Variants in INSL6 observed in about 807,000 individuals in gnomAD.
INSL6 encodes the protein insulin like 6.
A neutral mutation model predicts 9.4 loss-of-function variants in INSL6; 16 were observed. The observed-to-expected ratio is 1.70, with a 90% CI of 1.15 to 2.59. The LOEUF is 2.59. Among genes scored for constraint, INSL6 ranks in the 30% most tolerant of loss-of-function variants. INSL6 has a pLI of 0.00. For missense variants in INSL6, 391 were observed against 257.3 expected (o/e 1.52, Z -3.56); for synonymous variants, 154 against 96.9 (o/e 1.59, Z -3.46).
chr9:5,029,698 T>A, the INSL6 span: 4 of 1,264,648 alleles, frequency 3.2e-6, no homozygotes, highest in African/African-American at 6.1e-5. Context: ...GAGTTGTTAC[T>A]TTAGCTTCAT....
chr9:5,144,454 G>A (rs1236459185), intron 2 of INSL6, among the ~76,000 whole-genome samples: 1 of 152,180 alleles, frequency 6.6e-6, no homozygotes, highest in Non-Finnish European at 1.5e-5. Context: ...GCCAAGTGGT[G>A]ATGAGATGAA....
At chr9:5,172,897 T>C (rs879919835) in intron 1 of INSL6, among the ~76,000 whole-genome samples, 1 of 150,388 alleles carries the variant, frequency 6.6e-6, no homozygotes, top group African/African-American at 2.5e-5. Context: ...CATTGCACTC[T>C]AGCCTGGGTG....
At chr9:5,111,876 A>T in the INSL6 span, 6 of 372,958 alleles carry the variant, frequency 1.6e-5, no homozygotes, top group South Asian at 1.2e-4. Context: ...GAGGGACCAC[A>T]GCCAGCAGCT....
downstream of INSL6, among the ~76,000 whole-genome samples, chr9:5,119,429 TAA>T (rs539525091): frequency 6.9e-6 from 1 of 145,474 alleles, no homozygotes. Context: ...AATGAAAGCC[TAA>T]AAAAAAAAGG....
At chr9:5,045,039 A>G in the INSL6 span, among the ~76,000 whole-genome samples, 1 of 152,230 alleles carries the variant, frequency 6.6e-6, no homozygotes, top group African/African-American at 2.4e-5. Context: ...GTTCACTAAT[A>G]CAGTTATGTC....
intron 3 of INSL6, chr9:5,126,800 A>C (rs778979085): frequency 1.9e-6 from 3 of 1,558,102 alleles, no homozygotes; most frequent in Non-Finnish European, 8.8e-7. Flanking sequence ...GAAAGAAATG[A>C]CCTTCATTCT....
chr9:5,102,879 G>A, the INSL6 span, among the ~76,000 whole-genome samples: 1 of 152,078 alleles, frequency 6.6e-6, no homozygotes, highest in Non-Finnish European at 1.5e-5. Context: ...TGCCTTACAA[G>A]ATCTCCTGAA....
the INSL6 span, chr9:5,081,902 C>T: frequency 2.0e-6 from 3 of 1,520,774 alleles, no homozygotes; most frequent in Non-Finnish European, 2.7e-6. Flanking sequence ...ATAATCATTT[C>T]ATTTAGGAAA....
the INSL6 span, chr9:5,099,391 C>A: frequency 6.6e-6 from 1 of 152,180 alleles, no homozygotes; most frequent in African/African-American, 2.4e-5. Flanking sequence ...GAGTCTACAC[C>A]TCTCTGCAGT....
chr9:5,180,950 C>G (rs1045017381), intron 1 of INSL6, among the ~76,000 whole-genome samples: 2 of 152,130 alleles, frequency 1.3e-5, no homozygotes, highest in African/African-American at 4.8e-5. Flanking sequence ...AAACTCTTAA[C>G]AAAAAACTTG....
chr9:5,091,601 ATAGAT>A, the INSL6 span: 1 of 152,132 alleles, frequency 6.6e-6, no homozygotes, highest in South Asian at 2.1e-4. Flanking sequence ...ACTCAGGGTA[ATAGAT>A]TAGATAATTA....
intron 1 of INSL6, among the ~76,000 whole-genome samples, chr9:5,181,493 C>T (rs985560038): frequency 6.6e-6 from 1 of 151,588 alleles, no homozygotes; most frequent in South Asian, 2.1e-4. Flanking sequence ...ATATTCCTAC[C>T]GAGACCAGAA....
chr9:5,042,155 G>C, the INSL6 span, among the ~76,000 whole-genome samples: 4 of 141,880 alleles, frequency 2.8e-5, no homozygotes, highest in African/African-American at 1.1e-4. Context: ...TTTTGAGACG[G>C]AGTCTCGCTT....
At chr9:5,041,226 C>T in the INSL6 span, 156 of 1,468,582 alleles carry the variant, frequency 1.1e-4, no homozygotes, top group Admixed American at 7.0e-4. Context: ...GTGGGGCGCC[C>T]GGGGACCAAG....
At chr9:5,104,103 C>CA in the INSL6 span, among the ~76,000 whole-genome samples, 2 of 151,892 alleles carry the variant, frequency 1.3e-5, no homozygotes, top group African/African-American at 2.4e-5. Context: ...CACAACTCTT[C>CA]AAAAAATCAA....
chr9:5,057,318 G>C, the INSL6 span, among the ~76,000 whole-genome samples: 1 of 151,938 alleles, frequency 6.6e-6, no homozygotes, highest in Non-Finnish European at 1.5e-5. Context: ...AGTGTATTAT[G>C]TGTTAGTAAC....
the INSL6 span, among the ~76,000 whole-genome samples, chr9:5,073,080 C>G: frequency 2.0e-5 from 3 of 152,278 alleles, no homozygotes; most frequent in South Asian, 4.1e-4. Flanking sequence ...TGCCAGAGCT[C>G]TGAACATAGC....
chr9:5,097,239 C>T, the INSL6 span: 1 of 152,156 alleles, frequency 6.6e-6, no homozygotes, highest in East Asian at 1.9e-4. Context: ...TACAGCAATC[C>T]TACTCCTTTC....
At chr9:5,060,903 AC>A in the INSL6 span, among the ~76,000 whole-genome samples, 4 of 152,162 alleles carry the variant, frequency 2.6e-5, no homozygotes, top group Non-Finnish European at 5.9e-5. Flanking sequence ...AGTTGAAATT[AC>A]TCCTTGACCC....
Sources: allele counts gnomAD v4.1 joint callset (sites outside exome capture counted in the v4.1 genomes callset), GRCh38; gene constraint gnomAD v4.1.1; transcripts MANE v1.5; gene names NCBI Gene and HGNC (gene_info 2026-07-23, HGNC 2026-07-21).